UGT1A8: variants seen among roughly 807,000 people sequenced by gnomAD.
UGT1A8 encodes the protein UDP glucuronosyltransferase family 1 member A8.
Under a neutral mutation model 45.3 loss-of-function variants are expected in UGT1A8, and 39 were observed. That is an observed-to-expected ratio of 0.86 (90% CI 0.67 to 1.12). The LOEUF is 1.12. UGT1A8 is among the 50% of genes most tolerant of loss of function. The pLI is 0.00. For missense variants in UGT1A8, 719 were observed against 664.9 expected, an observed-to-expected ratio of 1.08 and a Z score of -0.90; for synonymous variants, 275 against 249.2, an observed-to-expected ratio of 1.10 and a Z score of -0.97.
At chr2:233,711,910 G>A (rs1432340801) in intron 1 of UGT1A8, among the ~76,000 whole-genome samples, 1 of 152,198 alleles carries the variant, frequency 6.6e-6, no homozygotes, top group East Asian at 1.9e-4. Context: ...AGACCATTGT[G>A]AGTGCTCAGG....
Position 233,618,141 on chromosome 2 carries a change from T to C in UGT1A8, c.434T>C (p.Val145Ala). Reference sequence around the variant, plus strand: ...TTAAAGGAGAGTTCTTTTGATGCGGTGTTTCTTGATCCTTTTGATGCCTGT... The same window carrying C: ...TTAAAGGAGAGTTCTTTTGATGCGGCGTTTCTTGATCCTTTTGATGCCTGT... ...EYLKESSFDAVFLDPFDACGL... is the reference protein window; with the variant it reads ...EYLKESSFDAAFLDPFDACGL... The change falls in exon 1 of 5, where the codon GTG becomes GCG. Residue 145 changes from valine (V) to alanine (A), a missense_variant. By Grantham distance (64) the Val-to-Ala change is moderately conservative (BLOSUM62 0). Coordinates refer to ENST00000373450, the MANE Select transcript of UGT1A8 (RefSeq NM_019076.5). 2.5e-6 allele frequency: 4 copies of C among 1,614,092 alleles called. No homozygotes were observed. Among genetic ancestry groups the C allele is most frequent in the Non-Finnish European group, 3.4e-6 (4 of 1,180,030 alleles).
At chr2:233,735,887 T>A (rs2078706567) in intron 1 of UGT1A8, among the ~76,000 whole-genome samples, 1 of 152,242 alleles carries the variant, frequency 6.6e-6, no homozygotes, top group Non-Finnish European at 1.5e-5. Flanking sequence ...CTGCTGTTAG[T>A]CTGATGGGCT....
intron 1 of UGT1A8, among the ~76,000 whole-genome samples, chr2:233,675,695 A>T (rs2074331379): frequency 6.6e-6 from 1 of 152,178 alleles, no homozygotes; most frequent in Non-Finnish European, 1.5e-5. Flanking sequence ...CCACTTATCC[A>T]TTCTTAGGTT....
chr2:233,762,804 C>T (rs1698168354), intron 1 of UGT1A8, among the ~76,000 whole-genome samples: 1 of 151,574 alleles, frequency 6.6e-6, no homozygotes, highest in African/African-American at 2.4e-5. Context: ...TCAGCTATCT[C>T]ATCAAAATAT....
intron 1 of UGT1A8, among the ~76,000 whole-genome samples, chr2:233,698,809 G>A (rs898183693): frequency 2.6e-5 from 4 of 152,220 alleles, no homozygotes; most frequent in Non-Finnish European, 2.9e-5. Flanking sequence ...TCCCAGCCTC[G>A]CCTTGTGGAA....
chr2:233,695,130 C>CTTTTT (rs71398796), intron 1 of UGT1A8, among the ~76,000 whole-genome samples: 6 of 138,838 alleles, frequency 4.3e-5, no homozygotes, highest in East Asian at 2.1e-4. Flanking sequence ...CTTTTCTTTT[C>CTTTTT]TTTTTTTTTT....
intron 1 of UGT1A8, chr2:233,747,921 G>C: frequency 6.2e-7 from 1 of 1,613,394 alleles, no homozygotes; most frequent in Non-Finnish European, 8.5e-7. Flanking sequence ...CCTTGCCTCT[G>C]AGCTTTTTCA....
chr2:233,716,488 C>A (rs371843932), intron 1 of UGT1A8, among the ~76,000 whole-genome samples: 1 of 152,184 alleles, frequency 6.6e-6, no homozygotes, highest in Non-Finnish European at 1.5e-5. Context: ...CCGTAGTCTT[C>A]TATTCTCCAG....
intron 1 of UGT1A8, among the ~76,000 whole-genome samples, chr2:233,702,022 CA>C (rs999993314): frequency 8.6e-5 from 13 of 150,360 alleles, no homozygotes; most frequent in Admixed American, 3.3e-4. Context: ...AATAGAGACA[CA>C]AAAAAAAACC....
chr2:233,704,137 C>T (rs562114824), intron 1 of UGT1A8, among the ~76,000 whole-genome samples: 13 of 152,058 alleles, frequency 8.5e-5, no homozygotes, highest in South Asian at 8.3e-4. Context: ...GTGATCCACC[C>T]GCCTCAGCCT....
intron 1 of UGT1A8, chr2:233,729,592 C>A (rs1253832448): frequency 6.2e-7 from 1 of 1,613,966 alleles, no homozygotes; most frequent in African/African-American, 1.3e-5. Flanking sequence ...CCCCGTTAAC[C>A]TCTGCGCGGC....
chr2:233,708,992 T>C (rs1297218412), intron 1 of UGT1A8, among the ~76,000 whole-genome samples: 1 of 152,200 alleles, frequency 6.6e-6, no homozygotes, highest in African/African-American at 2.4e-5. Context: ...GGCCGTGGCA[T>C]CCTTCTCAGT....
At chr2:233,746,034 G>A (rs1246019624) in intron 1 of UGT1A8, among the ~76,000 whole-genome samples, 1 of 151,740 alleles carries the variant, frequency 6.6e-6, no homozygotes, top group East Asian at 1.9e-4. Flanking sequence ...GCACTTACTT[G>A]CTGGCTTGGA....
rs528561296 is a variant in UGT1A8 at position 233,741,118 on chromosome 2, C to T, written c.856-25916C>T. On this transcript the variant is annotated intron_variant, in intron 1 of 4. Transcript: ENST00000373450. Reference sequence around the variant, plus strand: ...AAACAGACAATCAAGCTTTACACTTCTATAAAAGCAACACTTTCCATTTAT... The same window carrying T: ...AAACAGACAATCAAGCTTTACACTTTTATAAAAGCAACACTTTCCATTTAT... Among the ~76,000 whole-genome samples the T allele has an allele frequency of 4.6e-4, 70 of 151,828 alleles. 2 individuals are homozygous for T. Among genetic ancestry groups the T allele is most frequent in the African/African-American group, 1.6e-3 (68 of 41,226 alleles).
chr2:233,762,447 C>T (rs867092179), intron 1 of UGT1A8, among the ~76,000 whole-genome samples: 2 of 152,128 alleles, frequency 1.3e-5, no homozygotes, highest in Non-Finnish European at 2.9e-5. Context: ...TTCCCACTGC[C>T]CACTTACCGA....
intron 1 of UGT1A8, chr2:233,718,701 G>T: frequency 6.3e-7 from 1 of 1,599,658 alleles, no homozygotes; most frequent in Non-Finnish European, 8.5e-7. Context: ...AGGGCACTTT[G>T]TCTTCCAATT....
chr2:233,720,572 T>C (rs2076872220), intron 1 of UGT1A8, among the ~76,000 whole-genome samples: 1 of 152,112 alleles, frequency 6.6e-6, no homozygotes, highest in Non-Finnish European at 1.5e-5. Context: ...ATCTATTCTT[T>C]TTCCAAAAAT....
chr2:233,678,554 T>C (rs2074421013), intron 1 of UGT1A8, among the ~76,000 whole-genome samples: 1 of 152,228 alleles, frequency 6.6e-6, no homozygotes, highest in Non-Finnish European at 1.5e-5. Context: ...AAAATGCTTT[T>C]ATACAGTACT....
chr2:233,756,339 T>G (rs1013422836), intron 1 of UGT1A8: 3 of 152,244 alleles, frequency 2.0e-5, no homozygotes, highest in Non-Finnish European at 4.4e-5. Context: ...TAGTCATCTC[T>G]TGATTACTTT....
Sources: gnomAD v4.1 joint callset for allele counts (sites outside exome capture counted in the v4.1 genomes callset) on GRCh38, gnomAD v4.1.1 for gene constraint, MANE v1.5 for transcripts, NCBI Gene and HGNC (gene_info 2026-07-23, HGNC 2026-07-21) for gene names.